The following HCN1 variants were observed in gnomAD, a reference collection of about 807,000 sequenced individuals.
The protein encoded by HCN1 is hyperpolarization activated cyclic nucleotide gated potassium channel 1, also known as potassium/sodium hyperpolarization-activated cyclic nucleotide-gated channel 1.
In HCN1, 13 loss-of-function variants were observed where a neutral mutation model predicts 78.9. That is an observed-to-expected ratio of 0.16 (90% CI 0.11 to 0.26). The LOEUF (loss-of-function observed/expected upper bound fraction) is 0.26. Among genes scored for constraint, HCN1 ranks in the 10% least tolerant of loss-of-function variants. The probability of loss-of-function intolerance (pLI) is 1.00; values close to 1 mark genes in which losing one functional copy is unlikely to be tolerated. For missense variants in HCN1, 810 were observed against 1,154.3 expected (o/e 0.70, Z 4.32); for synonymous variants, 552 against 455.5 (o/e 1.21, Z -2.70).
At chr5:45,569,712 G>C (rs1028798347) in intron 2 of HCN1, among the ~76,000 whole-genome samples, 1 of 151,722 alleles carries the variant, frequency 6.6e-6, no homozygotes, top group Non-Finnish European at 1.5e-5. Context: ...TAACATTCAG[G>C]ATATAACTTT....
chr5:45,476,108 C>T (rs766100214), intron 2 of HCN1, among the ~76,000 whole-genome samples: 9 of 152,022 alleles, frequency 5.9e-5, no homozygotes, highest in Non-Finnish European at 1.0e-4. Flanking sequence ...TCAAGGTTTC[C>T]ATAGATGTGG....
At chr5:45,493,534 C>G (rs980911518) in intron 2 of HCN1, among the ~76,000 whole-genome samples, 1 of 151,202 alleles carries the variant, frequency 6.6e-6, no homozygotes, top group Non-Finnish European at 1.5e-5. Flanking sequence ...TATGTTTCTA[C>G]TTTTATTAGA....
At chr5:45,627,404 A>G (rs367661184) in intron 2 of HCN1, among the ~76,000 whole-genome samples, 13 of 152,230 alleles carry the variant, frequency 8.5e-5, no homozygotes, top group African/African-American at 1.4e-4. Flanking sequence ...GTTCTCCCTC[A>G]TCCTCATTAT....
intron 1 of HCN1, among the ~76,000 whole-genome samples, chr5:45,666,655 TA>T (rs1400057687): frequency 3.9e-5 from 6 of 152,020 alleles, no homozygotes; most frequent in African/African-American, 9.7e-5. Context: ...CCAACTACAG[TA>T]AATGTAACAT....
At chr5:45,371,425 C>T (rs980149339) in intron 4 of HCN1, among the ~76,000 whole-genome samples, 3 of 151,628 alleles carry the variant, frequency 2.0e-5, no homozygotes, top group African/African-American at 4.8e-5. Context: ...AATAAAAATT[C>T]AACAATGACA....
At chr5:45,643,567 T>C (rs1745494677) in intron 2 of HCN1, 2 of 152,122 alleles carry the variant, frequency 1.3e-5, no homozygotes, top group Non-Finnish European at 2.9e-5. Context: ...AGAACCTATA[T>C]AGTTTTGCAG....
intron 5 of HCN1, among the ~76,000 whole-genome samples, chr5:45,342,159 A>C (rs1255049434): frequency 6.6e-6 from 1 of 152,116 alleles, no homozygotes; most frequent in Non-Finnish European, 1.5e-5. Flanking sequence ...TATGTGGAGA[A>C]ATGAAGTGAA....
chr5:45,527,832 G>A (rs1561189644), intron 2 of HCN1, among the ~76,000 whole-genome samples: 1 of 151,626 alleles, frequency 6.6e-6, no homozygotes, highest in African/African-American at 2.4e-5. Context: ...ATATAGTACA[G>A]AGTCAATAAA....
chr5:45,610,900 G>A (rs1579998069), intron 2 of HCN1, among the ~76,000 whole-genome samples: 1 of 151,986 alleles, frequency 6.6e-6, no homozygotes, highest in African/African-American at 2.4e-5. Context: ...CAATCTAAAA[G>A]AGAAGTATGT....
chr5:45,525,768 C>T (rs1742725524), intron 2 of HCN1, among the ~76,000 whole-genome samples: 1 of 151,960 alleles, frequency 6.6e-6, no homozygotes, highest in Admixed American at 6.6e-5. Context: ...TGCTCTGCCT[C>T]AGTGCTCACT....
At chr5:45,467,219 C>T (rs1006383079) in intron 2 of HCN1, among the ~76,000 whole-genome samples, 1 of 152,072 alleles carries the variant, frequency 6.6e-6, no homozygotes, top group Non-Finnish European at 1.5e-5. Context: ...TCCCCAAAGA[C>T]GCAACTTCTC....
At chr5:45,604,974 T>G (rs2696012) in intron 2 of HCN1, among the ~76,000 whole-genome samples, 1 of 152,030 alleles carries the variant, frequency 6.6e-6, no homozygotes, top group Non-Finnish European at 1.5e-5. Flanking sequence ...TCAGCAAATA[T>G]GCAAATCTTT....
At chr5:45,486,760 G>A (rs2111688394) in intron 2 of HCN1, among the ~76,000 whole-genome samples, 1 of 152,154 alleles carries the variant, frequency 6.6e-6, no homozygotes, top group Non-Finnish European at 1.5e-5. Flanking sequence ...TATTGTACAA[G>A]TATAATATCA....
At chr5:45,459,990 C>A (rs1297434421) in intron 3 of HCN1, among the ~76,000 whole-genome samples, 3 of 152,016 alleles carry the variant, frequency 2.0e-5, no homozygotes, top group Non-Finnish European at 4.4e-5. Flanking sequence ...ATGAGCCAAC[C>A]AAACTACTGC....
intron 2 of HCN1, among the ~76,000 whole-genome samples, chr5:45,581,166 T>C (rs1038802204): frequency 3.9e-5 from 6 of 152,158 alleles, no homozygotes; most frequent in African/African-American, 1.4e-4. Flanking sequence ...AGTGTAAAAG[T>C]GTTCCTATTT....
chr5:45,478,843 G>T (rs1741581258), intron 2 of HCN1, among the ~76,000 whole-genome samples: 1 of 152,122 alleles, frequency 6.6e-6, no homozygotes, highest in Admixed American at 6.6e-5. Context: ...GCTGAAGAAG[G>T]CAGGGCGTGG....
At position 45,255,818 on chromosome 5, in the gene HCN1, A is replaced by G. The variant is rs1744599412; in HGVS notation, c.*6103T>C. 1 of 152,186 alleles carries G rather than the reference A, an allele frequency of 6.6e-6. No individual in the cohort carries two copies. Among genetic ancestry groups the G allele is most frequent in the African/African-American group, 2.4e-5 (1 of 41,448 alleles). 9.4% of individuals were successfully genotyped at this position (152,186 alleles called of 1,614,324 possible). A position where few individuals can be genotyped will look rare whatever the true frequency, so the allele number is the denominator to read the frequency against. On this transcript the variant is annotated 3_prime_UTR_variant, in exon 8 of 8. Transcript: ENST00000303230. ...TTTAACAGGAAATAAAAACCTTTCA[A>G]GAAAGTCTCTTTGCCTCTACACATC...
intron 1 of HCN1, among the ~76,000 whole-genome samples, chr5:45,657,263 C>T (rs1745789641): frequency 6.6e-6 from 1 of 152,164 alleles, no homozygotes; most frequent in African/African-American, 2.4e-5. Flanking sequence ...CAATGAATAT[C>T]CACTCCAATT....
At chr5:45,659,044 A>T (rs1311927511) in intron 1 of HCN1, among the ~76,000 whole-genome samples, 9 of 151,886 alleles carry the variant, frequency 5.9e-5, no homozygotes, top group South Asian at 4.2e-4. Context: ...CTGCAGACTT[A>T]AGTGTCCCTG....
Sources: gnomAD v4.1 joint callset for allele counts (sites outside exome capture counted in the v4.1 genomes callset) on GRCh38, gnomAD v4.1.1 for gene constraint, MANE v1.5 for transcripts, NCBI Gene and HGNC (gene_info 2026-07-23, HGNC 2026-07-21) for gene names.